The following WASF3 variants were observed in gnomAD, a reference collection of about 807,000 sequenced individuals.
The protein encoded by WASF3 is WASP family member 3.
WASF3 carries 11 observed loss-of-function variants against 46.6 expected under a neutral mutation model. The ratio of observed to expected loss-of-function variants is 0.24; its 90% confidence interval spans 0.15 to 0.39. The LOEUF (loss-of-function observed/expected upper bound fraction) is 0.39, where lower values mean the gene tolerates loss of function less well. Ranked by LOEUF, WASF3 falls within the 10% of genes least tolerant of loss-of-function variation. WASF3 has a pLI of 1.00. For missense variants in WASF3, 576 were observed against 669.8 expected, an observed-to-expected ratio of 0.86 and a Z score of 1.55; for synonymous variants, 242 against 259.7, an observed-to-expected ratio of 0.93 and a Z score of 0.65.
intron 1 of WASF3, among the ~76,000 whole-genome samples, chr13:26,583,392 G>A (rs549576215): frequency 6.6e-6 from 1 of 152,138 alleles, no homozygotes; most frequent in Non-Finnish European, 1.5e-5. Flanking sequence ...CTAGTCTAGG[G>A]CTCCTTCTCC....
At chr13:26,672,802 C>T (rs535351351) in intron 6 of WASF3, among the ~76,000 whole-genome samples, 2 of 152,124 alleles carry the variant, frequency 1.3e-5, no homozygotes, top group Non-Finnish European at 2.9e-5. Context: ...GGTGTGTTGG[C>T]CCAGTAGGAG....
intron 4 of WASF3, among the ~76,000 whole-genome samples, chr13:26,666,968 C>G (rs1375932192): frequency 6.6e-6 from 1 of 151,422 alleles, no homozygotes; most frequent in Non-Finnish European, 1.5e-5. Context: ...TTTTCTGAAT[C>G]CTTAGTGTAA....
At chr13:26,661,201 C>G (rs1882619678) in intron 3 of WASF3, among the ~76,000 whole-genome samples, 1 of 152,230 alleles carries the variant, frequency 6.6e-6, no homozygotes, top group African/African-American at 2.4e-5. Flanking sequence ...ACTGTGTACA[C>G]ATGGCTGTGC....
the WASF3 span, among the ~76,000 whole-genome samples, chr13:26,544,475 G>A: frequency 6.6e-6 from 1 of 152,332 alleles, no homozygotes; most frequent in South Asian, 2.1e-4. Flanking sequence ...GCTGCTCAGA[G>A]GGAATGGGAG....
intron 1 of WASF3, among the ~76,000 whole-genome samples, chr13:26,571,931 A>T (rs1449555505): frequency 6.6e-6 from 1 of 152,074 alleles, no homozygotes; most frequent in African/African-American, 2.4e-5. Context: ...AACATTTCTT[A>T]TTGTTTATTC....
chr13:26,664,825 C>G, intron 3 of WASF3, among the ~76,000 whole-genome samples: 1 of 152,230 alleles, frequency 6.6e-6, no homozygotes, highest in East Asian at 1.9e-4. Flanking sequence ...TAAAATTCTA[C>G]AACATTGAGT....
the WASF3 span, among the ~76,000 whole-genome samples, chr13:26,540,071 C>G: frequency 8.5e-5 from 13 of 152,168 alleles, no homozygotes; most frequent in Middle Eastern, 0.01. Context: ...TCCTAAGACT[C>G]AAGCAGACAG....
chr13:26,668,606 C>T (rs1339982421), intron 5 of WASF3, among the ~76,000 whole-genome samples: 2 of 152,230 alleles, frequency 1.3e-5, no homozygotes, highest in African/African-American at 2.4e-5. Flanking sequence ...TAGAATTTTT[C>T]TTGGTCCTAA....
intron 5 of WASF3, among the ~76,000 whole-genome samples, chr13:26,668,449 GTGACCAGTGGTCCTCACAGC>G (rs1162082594): frequency 6.6e-6 from 1 of 152,178 alleles, no homozygotes; most frequent in Non-Finnish European, 1.5e-5. Flanking sequence ...ACAGGCTGTG[GTGACCAGTGGTCCTCACAGC>G]CCCGGGCCAG....
At chr13:26,632,366 GAGTTTTT>G (rs1309828075) in intron 2 of WASF3, among the ~76,000 whole-genome samples, 2 of 152,190 alleles carry the variant, frequency 1.3e-5, no homozygotes, top group African/African-American at 4.8e-5. Flanking sequence ...AGTTTATTGA[GAGTTTTT>G]AGCACAAAGG....
chr13:26,574,431 GTAGT>G (rs1879730487), intron 1 of WASF3, among the ~76,000 whole-genome samples: 1 of 151,974 alleles, frequency 6.6e-6, no homozygotes, highest in Admixed American at 6.6e-5. Flanking sequence ...GTATTTAAAA[GTAGT>G]TAGGACTATT....
At chr13:26,671,115 T>C (rs1319494016) in intron 5 of WASF3, among the ~76,000 whole-genome samples, 1 of 152,210 alleles carries the variant, frequency 6.6e-6, no homozygotes, top group Non-Finnish European at 1.5e-5. Flanking sequence ...AAACAGTGTT[T>C]ACTTTGTATC....
At chr13:26,621,850 A>G (rs1425474648) in intron 2 of WASF3, among the ~76,000 whole-genome samples, 4 of 152,120 alleles carry the variant, frequency 2.6e-5, no homozygotes, top group Non-Finnish European at 5.9e-5. Context: ...GGGAGTTGTC[A>G]GTAGGCACTT....
chr13:26,676,505 T>A (rs751886193), intron 6 of WASF3, 44 bp from the exon 7 acceptor site: 4 of 1,592,986 alleles, frequency 2.5e-6, no homozygotes, highest in Non-Finnish European at 3.4e-6. Context: ...TGTTTTCCTT[T>A]CCCTTCTGTC....
chr13:26,583,880 A>G (rs995516403), intron 1 of WASF3, among the ~76,000 whole-genome samples: 2 of 152,220 alleles, frequency 1.3e-5, no homozygotes, highest in African/African-American at 4.8e-5. Flanking sequence ...CAAGTAGCCC[A>G]AAAAGGTTTG....
intron 1 of WASF3, among the ~76,000 whole-genome samples, chr13:26,594,605 C>T (rs527433833): frequency 6.6e-6 from 1 of 152,222 alleles, no homozygotes; most frequent in Non-Finnish European, 1.5e-5. Flanking sequence ...CCGTGTACAT[C>T]ATTCATACTG....
intron 1 of WASF3, among the ~76,000 whole-genome samples, chr13:26,583,059 G>C: frequency 6.6e-6 from 1 of 152,186 alleles, no homozygotes; most frequent in East Asian, 1.9e-4. Context: ...TTGAAGCCTA[G>C]GGTCTTAGTG....
At chr13:26,568,379 A>T (rs1879537082) in intron 1 of WASF3, among the ~76,000 whole-genome samples, 1 of 152,124 alleles carries the variant, frequency 6.6e-6, no homozygotes, top group South Asian at 2.1e-4. Context: ...CAGAAGAAAG[A>T]GATCACTGTA....
At chr13:26,585,507 T>G (rs888739911) in intron 1 of WASF3, among the ~76,000 whole-genome samples, 1 of 152,202 alleles carries the variant, frequency 6.6e-6, no homozygotes, top group Non-Finnish European at 1.5e-5. Context: ...AATTCTGTGT[T>G]ACTGCTAGTT....
Sources: allele counts gnomAD v4.1 joint callset (sites outside exome capture counted in the v4.1 genomes callset), GRCh38; gene constraint gnomAD v4.1.1; transcripts MANE v1.5; gene names NCBI Gene and HGNC (gene_info 2026-07-23, HGNC 2026-07-21).